The following FBXO21 variants were observed in gnomAD, a reference collection of about 807,000 sequenced individuals.
FBXO21 encodes F-box protein 21.
Under a neutral mutation model 76.6 loss-of-function variants are expected in FBXO21, and 32 were observed. That is an observed-to-expected ratio of 0.42 (90% CI 0.32 to 0.56). FBXO21 has a LOEUF of 0.56. Among genes scored for constraint, FBXO21 ranks in the 20% least tolerant of loss-of-function variants. The pLI, the probability that FBXO21 is intolerant of heterozygous loss-of-function variation, is 0.16. For synonymous variants in FBXO21, 328 were observed against 311.5 expected, an observed-to-expected ratio of 1.05 and a Z score of -0.56; for missense variants, 586 against 797.3, an observed-to-expected ratio of 0.73 and a Z score of 3.19.
intron 3 of FBXO21, among the ~76,000 whole-genome samples, chr12:117,182,564 CTTTTTTTTTTTT>C (rs891529583): frequency 1.6e-4 from 13 of 83,322 alleles, no homozygotes; most frequent in East Asian, 1.4e-3. Flanking sequence ...GCAAGAGGAT[CTTTTTTTTTTTT>C]TTTTTTTTTT....
At chr12:117,156,707 C>A (rs574895509) in intron 10 of FBXO21, among the ~76,000 whole-genome samples, 1 of 152,206 alleles carries the variant, frequency 6.6e-6, no homozygotes, top group South Asian at 2.1e-4. Context: ...TCCTTATAGT[C>A]CTTTCTCTCT....
intron 2 of FBXO21, 103 bp downstream of exon 2, chr12:117,189,124 A>C (rs1310749637): frequency 1.5e-6 from 2 of 1,314,156 alleles, no homozygotes; most frequent in Non-Finnish European, 2.2e-6. Flanking sequence ...TTGTGAGAGC[A>C]TTGAAAAGGG....
chr12:117,178,647 C>G (rs1330048830), intron 3 of FBXO21, among the ~76,000 whole-genome samples: 1 of 144,796 alleles, frequency 6.9e-6, no homozygotes, highest in African/African-American at 2.5e-5. Context: ...TACTGTCTGG[C>G]GGGTGCTCAC....
chr12:117,172,418 G>C (rs1261667015), intron 7 of FBXO21, 53 bp downstream of exon 7: 20 of 1,587,336 alleles, frequency 1.3e-5, no homozygotes, highest in African/African-American at 2.7e-5. Context: ...CTGCCTCTCA[G>C]CACAGAGGGA....
rs368876639 is a variant in FBXO21, at chr12:117,153,365, T to C, written c.1675+2426A>G. 3.3e-5 allele frequency among the ~76,000 whole-genome samples: 5 copies of C among 152,136 alleles called. No individual in the cohort carries two copies. The East Asian group carries it at 7.7e-4, about 24-fold the overall frequency. ...AAGGGGGGTATGGGGGCACAATGAG[T>C]TCATGTTTTTTCTTTCTTTACAGAG... On this transcript the variant is annotated intron_variant, in intron 11 of 11. Coordinates refer to ENST00000622495, the MANE Select transcript of FBXO21 (RefSeq NM_015002.3).
At chr12:117,168,302 G>A (rs534976585) in intron 7 of FBXO21, among the ~76,000 whole-genome samples, 2 of 152,298 alleles carry the variant, frequency 1.3e-5, no homozygotes, top group South Asian at 4.1e-4. Flanking sequence ...AAGGCAGGCA[G>A]ATCACGAGGT....
chr12:117,180,658 G>A (rs531349840), intron 3 of FBXO21, among the ~76,000 whole-genome samples: 7 of 151,674 alleles, frequency 4.6e-5, no homozygotes, highest in South Asian at 2.1e-4. Context: ...ACGGAGTCTC[G>A]CTCTGTCGCC....
At chr12:117,148,793 A>G (rs917496996) in intron 11 of FBXO21, among the ~76,000 whole-genome samples, 2 of 152,074 alleles carry the variant, frequency 1.3e-5, no homozygotes, top group African/African-American at 4.8e-5. Flanking sequence ...CTCAGAGAAC[A>G]CCGCTGCCCC....
At chr12:117,153,198 A>G (rs1008413382) in intron 11 of FBXO21, among the ~76,000 whole-genome samples, 1 of 151,954 alleles carries the variant, frequency 6.6e-6, no homozygotes, top group African/African-American at 2.4e-5. Context: ...GAAGTAGGCA[A>G]GCAGAGACCA....
intron 1 of FBXO21, among the ~76,000 whole-genome samples, chr12:117,189,959 G>A (rs2135892954): frequency 6.6e-6 from 1 of 152,256 alleles, no homozygotes; most frequent in South Asian, 2.1e-4. Context: ...GGGACGAGCC[G>A]CGCCGCCGCC....
chr12:117,155,830 C>T lies in FBXO21; in HGVS notation c.1636G>A (p.Val546Met), dbSNP rs764339365. Residue 546 changes from valine (V) to methionine (M), a missense_variant, in exon 11 of 12, where the codon GTG becomes ATG. By Grantham distance (21) the Val-to-Met change is conservative. Around this residue, in one of 6 missense-constraint regions of FBXO21, gnomAD observed 164 missense variants for 236.7 expected, o/e 0.69. Coordinates refer to ENST00000622495, the MANE Select transcript of FBXO21 (RefSeq NM_015002.3). ...PHGHHQPFYNVLVEDGSCRYA... is the reference protein window; with the variant it reads ...PHGHHQPFYNMLVEDGSCRYA... ...CGACAGGAGCCGTCCTCCACCAGCA[C>T]GTTATAGAAAGGCTGGTGGTGGCCG... 1.2e-6 allele frequency: 2 copies of T among 1,614,030 alleles called. No individual in the cohort carries two copies. The highest frequency in any genetic ancestry group is 1.3e-5 in the African/African-American group (1 of 74,946).
chr12:117,154,510 TG>T (rs1188581247), intron 11 of FBXO21, among the ~76,000 whole-genome samples: 3 of 152,238 alleles, frequency 2.0e-5, no homozygotes, highest in African/African-American at 7.2e-5. Context: ...CCCAGCTTCC[TG>T]AATAGCTGGG....
At chr12:117,170,217 T>A (rs1345983492) in intron 7 of FBXO21, among the ~76,000 whole-genome samples, 1 of 142,926 alleles carries the variant, frequency 7.0e-6, no homozygotes, top group Non-Finnish European at 1.5e-5. Context: ...AAGAAAAAGA[T>A]AACATCTTTT....
chr12:117,146,387 G>C, intron 11 of FBXO21, 110 bp from the exon 12 acceptor site: 1 of 847,468 alleles, frequency 1.2e-6, no homozygotes, highest in South Asian at 1.7e-5. Flanking sequence ...TTGGGGTGGA[G>C]AAGGGAAGAC....
chr12:117,173,665 T>G (rs1956140669), intron 6 of FBXO21, among the ~76,000 whole-genome samples: 1 of 152,144 alleles, frequency 6.6e-6, no homozygotes, highest in African/African-American at 2.4e-5. Context: ...GTCAGAGAAA[T>G]ATCTATTTTT....
intron 9 of FBXO21, among the ~76,000 whole-genome samples, chr12:117,161,003 C>A: frequency 6.6e-6 from 1 of 152,120 alleles, no homozygotes; most frequent in Middle Eastern, 3.4e-3. Context: ...GTGTTGAGAG[C>A]GTGGGGAAGG....
chr12:117,174,778 C>T lies in FBXO21; in HGVS notation c.612G>A (p.Gln204=). Residue 204 remains glutamine, a synonymous_variant, in exon 5 of 12, where the codon CAG becomes CAA. Transcript: ENST00000622495. ...TGATGTCGGAGAGAGGATTGCAGTA[C>T]TGGTCAATATATACAGCACCTGAAA... The part of the protein sequence containing the change: ...SYLEGAVYID[Q]YCNPLSDISL... 1.9e-6 allele frequency: 3 copies of T among 1,614,098 alleles called. No individual in the cohort carries two copies. The highest frequency in any genetic ancestry group is 2.5e-6 in the Non-Finnish European group (3 of 1,179,990).
chr12:117,166,793 A>G, intron 8 of FBXO21, 105 bp downstream of exon 8: 1 of 869,432 alleles, frequency 1.2e-6, no homozygotes, highest in Non-Finnish European at 1.9e-6. Flanking sequence ...CTTAGGGTCT[A>G]CTGCAAAGAT....
At chr12:117,167,110 G>A (rs772725654) in intron 7 of FBXO21, 33 bp from the exon 8 acceptor site, 5 of 1,554,292 alleles carry the variant, frequency 3.2e-6, no homozygotes, top group Non-Finnish European at 4.4e-6. Flanking sequence ...GATGAGAGCT[G>A]AACAACTCAT....
Sources: gnomAD v4.1 joint callset for allele counts (sites outside exome capture counted in the v4.1 genomes callset) on GRCh38, gnomAD v4.1.1 for gene constraint, gnomAD v4.1.1 regional missense constraint, MANE v1.5 for transcripts, NCBI Gene and HGNC (gene_info 2026-07-23, HGNC 2026-07-21) for gene names.